UGT1A7: variants seen among roughly 807,000 people sequenced by gnomAD.
UGT1A7 encodes the protein UDP glucuronosyltransferase family 1 member A7.
In UGT1A7, 33 loss-of-function variants were observed where a neutral mutation model predicts 45.6. The observed-to-expected ratio is 0.72, with a 90% confidence interval of 0.55 to 0.97. The LOEUF is 0.97. Among genes scored for constraint, UGT1A7 ranks in the 50% least tolerant of loss-of-function variants. The pLI, the probability that UGT1A7 is intolerant of heterozygous loss-of-function variation, is 0.00. For missense variants in UGT1A7, 684 were observed against 666.2 expected, an observed-to-expected ratio of 1.03 and a Z score of -0.29; for synonymous variants, 274 against 250.6, an observed-to-expected ratio of 1.09 and a Z score of -0.88.
At chr2:233,688,922 G>A (rs1298474821) in intron 1 of UGT1A7, among the ~76,000 whole-genome samples, 1 of 152,188 alleles carries the variant, frequency 6.6e-6, no homozygotes, top group African/African-American at 2.4e-5. Flanking sequence ...GCCAAGCAGG[G>A]AAGATGGCAG....
Position 233,767,097 on chromosome 2 carries a change from A to G in UGT1A7, c.919A>G (p.Met307Val), listed in dbSNP as rs1699317728. ...HGIVVFSLGS[M>V]VSEIPEKKAM... The stretch of plus-strand genomic sequence containing the variant: ...AATTGTGGTTTTCTCTTTGGGATCA[A>G]TGGTCTCAGAAATTCCAGAGAAGAA... The change falls in exon 2 of 5, where the codon ATG becomes GTG. Residue 307 changes from methionine (M) to valine (V), a missense_variant. Transcript: ENST00000373426. 1 of 1,614,142 alleles carries G rather than the reference A, an allele frequency of 6.2e-7. No individual in the cohort carries two copies. Among genetic ancestry groups the G allele is most frequent in the Non-Finnish European group, 8.5e-7 (1 of 1,180,030 alleles).
chr2:233,720,704 CT>C (rs796417980), intron 1 of UGT1A7, among the ~76,000 whole-genome samples: 3,410 of 139,098 alleles, frequency 0.025, 114 homozygotes, highest in African/African-American at 0.077. Flanking sequence ...GGGAGCCATC[CT>C]TTTTTTTTTT....
intron 1 of UGT1A7, among the ~76,000 whole-genome samples, chr2:233,683,822 G>A (rs147688606): frequency 2.0e-5 from 3 of 151,948 alleles, no homozygotes; most frequent in South Asian, 2.1e-4. Flanking sequence ...CTAAACTCTC[G>A]TATTAGTATG....
chr2:233,756,190 G>A (rs1012891343), intron 1 of UGT1A7: 15 of 152,208 alleles, frequency 9.9e-5, no homozygotes, highest in African/African-American at 3.4e-4. Flanking sequence ...CGCTAGTCTA[G>A]CAGAGTAGTC....
At chr2:233,701,158 T>C (rs2075613048) in intron 1 of UGT1A7, among the ~76,000 whole-genome samples, 1 of 152,210 alleles carries the variant, frequency 6.6e-6, no homozygotes, top group South Asian at 2.1e-4. Context: ...TTTGCTATTG[T>C]GAATAGTGCC....
intron 4 of UGT1A7, among the ~76,000 whole-genome samples, chr2:233,771,932 C>G (rs909817739): frequency 6.6e-6 from 1 of 152,046 alleles, no homozygotes; most frequent in African/African-American, 2.4e-5. Context: ...CTGGGCAACA[C>G]AATAAGACCT....
chr2:233,713,172 C>T (rs1256255706), intron 1 of UGT1A7: 2 of 1,614,090 alleles, frequency 1.2e-6, no homozygotes, highest in Admixed American at 1.7e-5. Context: ...GGTGGTGGTC[C>T]TCACCCTGGA....
At chr2:233,737,920 A>AT (rs1189793368) in intron 1 of UGT1A7, among the ~76,000 whole-genome samples, 1 of 152,076 alleles carries the variant, frequency 6.6e-6, no homozygotes, top group Non-Finnish European at 1.5e-5. Context: ...AGGCTAGTGT[A>AT]TTTAGTAGTG....
intron 1 of UGT1A7, chr2:233,747,398 C>T: frequency 1.9e-6 from 3 of 1,606,764 alleles, no homozygotes; most frequent in Non-Finnish European, 2.6e-6. Flanking sequence ...TGGTCCTCAC[C>T]CCAGAGGTGA....
At chr2:233,747,140 A>G (rs1693571344) in intron 1 of UGT1A7, 1 of 1,552,350 alleles carries the variant, frequency 6.4e-7, no homozygotes, top group Admixed American at 1.8e-5. Context: ...GTGACAAGGT[A>G]ATTAAGATGA....
intron 1 of UGT1A7, chr2:233,748,172 T>A: frequency 6.3e-7 from 1 of 1,584,752 alleles, no homozygotes; most frequent in Non-Finnish European, 8.6e-7. Context: ...TCTACTTATC[T>A]TTCTGGTGCT....
In UGT1A7 at chr2:233,769,761, G is replaced by C; in HGVS notation, c.1295+1322G>C. 7.1e-6 allele frequency: 10 copies of C among 1,414,228 alleles called. No homozygotes were observed. The highest frequency in any genetic ancestry group is 9.3e-6 in the Non-Finnish European group (10 of 1,080,644). 87.6% of individuals were successfully genotyped at this position (1,414,228 alleles called of 1,614,324 possible). A position where few individuals can be genotyped will look rare whatever the true frequency, so the allele number is the denominator to read the frequency against. On this transcript the variant is annotated intron_variant, in intron 4 of 4. Transcript: ENST00000373426. The surrounding 1 kb of genome is among the most constrained non-coding windows in gnomAD (Gnocchi z 4.4). ...TCCCAGCCACTCTGGAGGCTAAGGC[G>C]GGAGGATTGCTTGAGCCCAGAAGTT...
At chr2:233,721,730 G>A (rs1364085120) in intron 1 of UGT1A7, 3 of 416,596 alleles carry the variant, frequency 7.2e-6, no homozygotes, top group Non-Finnish European at 9.6e-6. Context: ...ACTTGGATAA[G>A]CTTAATGATG....
rs1161745635 is a variant in UGT1A7 at position 233,692,874 on chromosome 2, A to G, written c.855+10082A>G. ...TTGGGTTCTTACATATCAAAGGGTA[A>G]AATTCAGAGCAAGGGAGAGGTAGAC... is the stretch of plus-strand genomic sequence containing the variant. On this transcript the variant is annotated intron_variant, in intron 1 of 4. Transcript: ENST00000373426. 4.0e-6 allele frequency: 6 copies of G among 1,492,460 alleles called. No individual in the cohort carries two copies. The African/African-American group carries it at 8.4e-5, about 21-fold the overall frequency. The allele number at this position is 1,492,460 out of a possible 1,614,324, so 92.5% of individuals were successfully genotyped here.
At chr2:233,744,136 G>C (rs1692703742) in intron 1 of UGT1A7, 1 of 352,210 alleles carries the variant, frequency 2.8e-6, no homozygotes, top group East Asian at 7.7e-5. Flanking sequence ...GTGAGGCCCT[G>C]TGATGCTCCA....
At chr2:233,748,806 A>C (rs981596738) in intron 1 of UGT1A7, among the ~76,000 whole-genome samples, 1 of 151,326 alleles carries the variant, frequency 6.6e-6, no homozygotes, top group Non-Finnish European at 1.5e-5. Flanking sequence ...AATTATCAAG[A>C]AATTGTGGAA....
chr2:233,772,142 A>T, intron 4 of UGT1A7, 120 bp from the exon 5 acceptor site: 1 of 1,550,154 alleles, frequency 6.5e-7, no homozygotes, highest in Non-Finnish European at 8.7e-7. Context: ...AATAATAGAA[A>T]CAGGTTTCCT....
At chr2:233,744,492 G>A (rs1241222424) in intron 1 of UGT1A7, among the ~76,000 whole-genome samples, 2 of 152,034 alleles carry the variant, frequency 1.3e-5, no homozygotes, top group Admixed American at 1.3e-4. Flanking sequence ...GGGCAATTTA[G>A]TAAGAATAAA....
chr2:233,746,345 T>C (rs887408714), intron 1 of UGT1A7, among the ~76,000 whole-genome samples: 14 of 151,796 alleles, frequency 9.2e-5, no homozygotes, highest in African/African-American at 1.7e-4. Context: ...GACATGTTTA[T>C]GTTGCTCCTT....
Sources: gnomAD v4.1 joint callset for allele counts (sites outside exome capture counted in the v4.1 genomes callset) on GRCh38, gnomAD v4.1.1 for gene constraint, Gnocchi (gnomAD v3.1) non-coding constraint, MANE v1.5 for transcripts, NCBI Gene and HGNC (gene_info 2026-07-23, HGNC 2026-07-21) for gene names.